ZNRF2: variants seen among roughly 807,000 people sequenced by gnomAD.
ZNRF2 encodes E3 ubiquitin-protein ligase ZNRF2.
A neutral mutation model predicts 20.4 loss-of-function variants in ZNRF2; 16 were observed. The ratio of observed to expected loss-of-function variants is 0.79; its 90% CI spans 0.53 to 1.19. The LOEUF (loss-of-function observed/expected upper bound fraction) is 1.19, where lower values mean the gene tolerates loss of function less well. Among genes scored for constraint, ZNRF2 ranks in the 50% most tolerant of loss-of-function variants. The pLI is 0.00. For missense variants in ZNRF2, 363 were observed against 332.4 expected (o/e 1.09, Z -0.72); for synonymous variants, 178 against 144.9 (o/e 1.23, Z -1.64).
chr7:30,314,116 G>A (rs1799329673), intron 1 of ZNRF2, among the ~76,000 whole-genome samples: 1 of 152,092 alleles, frequency 6.6e-6, no homozygotes, highest in Non-Finnish European at 1.5e-5. Flanking sequence ...GAGCAATCAC[G>A]TTGTACTCTG....
intron 2 of ZNRF2, among the ~76,000 whole-genome samples, chr7:30,332,256 A>G (rs1799645394): frequency 6.6e-6 from 1 of 152,192 alleles, no homozygotes; most frequent in African/African-American, 2.4e-5. Context: ...ATAGTTCTTC[A>G]CAGAAGAACT....
At chr7:30,356,215 A>T (rs544295514) in intron 3 of ZNRF2, among the ~76,000 whole-genome samples, 1 of 151,648 alleles carries the variant, frequency 6.6e-6, no homozygotes, top group African/African-American at 2.4e-5. Context: ...AATCTGCTTG[A>T]CTCCAAAACC....
intron 2 of ZNRF2, among the ~76,000 whole-genome samples, chr7:30,326,364 A>C (rs1195381779): frequency 6.6e-6 from 1 of 152,068 alleles, no homozygotes; most frequent in Non-Finnish European, 1.5e-5. Context: ...TTTAGCTCCC[A>C]CTTACAAGTG....
intron 1 of ZNRF2, among the ~76,000 whole-genome samples, chr7:30,316,123 T>C (rs539379413): frequency 1.2e-3 from 184 of 151,324 alleles, no homozygotes; most frequent in Non-Finnish European, 1.7e-3. Context: ...ACTCCATCTC[T>C]ACTAAAAATA....
intron 4 of ZNRF2, 136 bp downstream of exon 4, chr7:30,362,592 A>AG: frequency 2.2e-6 from 1 of 463,802 alleles, no homozygotes; most frequent in Non-Finnish European, 3.9e-6. Flanking sequence ...GCTACTGCAT[A>AG]GAAAACTTAC....
rs113086251 is a variant in ZNRF2 at position 30,317,722 on chromosome 7, C to T, written c.470-5920C>T. On this transcript the variant is annotated intron_variant, in intron 1 of 4. Coordinates refer to ENST00000323037, the MANE Select transcript of ZNRF2 (RefSeq NM_147128.4). Reference sequence around the variant, plus strand: ...GCTCAAAGCCTAGGAATCAGAAGAGCTGAGTTCTGGCACTTTTGATGTCTT... The same window carrying T: ...GCTCAAAGCCTAGGAATCAGAAGAGTTGAGTTCTGGCACTTTTGATGTCTT... Among the ~76,000 whole-genome samples the T allele has an allele frequency of 3.5e-3, 536 of 152,314 alleles. 2 individuals are homozygous for T. Among genetic ancestry groups the T allele is most frequent in the South Asian group, 0.01 (50 of 4,820 alleles).
chr7:30,320,441 T>C (rs969180307), intron 1 of ZNRF2, among the ~76,000 whole-genome samples: 2 of 152,214 alleles, frequency 1.3e-5, no homozygotes, highest in African/African-American at 4.8e-5. Context: ...CATATATATG[T>C]ATACAGTTTT....
chr7:30,331,248 C>A (rs1456672530), intron 2 of ZNRF2, among the ~76,000 whole-genome samples: 1 of 151,954 alleles, frequency 6.6e-6, no homozygotes, highest in Non-Finnish European at 1.5e-5. Flanking sequence ...TGAGAGTAAG[C>A]AGATATGAGA....
At chr7:30,343,828 A>G (rs1481824247) in intron 2 of ZNRF2, among the ~76,000 whole-genome samples, 4 of 118,168 alleles carry the variant, frequency 3.4e-5, no homozygotes, top group African/African-American at 1.3e-4. Context: ...GCCCATTTAT[A>G]TTTCTTAATA....
intron 1 of ZNRF2, among the ~76,000 whole-genome samples, chr7:30,318,880 G>A (rs895626622): frequency 3.3e-5 from 5 of 152,194 alleles, no homozygotes; most frequent in African/African-American, 1.2e-4. Context: ...GGGAGGCTGA[G>A]GCGGACGGAT....
intron 2 of ZNRF2, among the ~76,000 whole-genome samples, chr7:30,341,738 G>A (rs1799798400): frequency 6.6e-6 from 1 of 152,104 alleles, no homozygotes; most frequent in Non-Finnish European, 1.5e-5. Flanking sequence ...TCTTACGTCA[G>A]CTTGGTCCAG....
Position 30,284,857 on chromosome 7 carries a change from A to G in ZNRF2, c.-501A>G, listed in dbSNP as rs1380539961. The G allele has an allele frequency of 3.6e-5, 8 of 221,082 alleles. No homozygotes were observed. The highest frequency in any genetic ancestry group is 2.1e-3 in the Middle Eastern group (1 of 472). The allele number at this position is 221,082 out of a possible 1,614,324, so 13.7% of individuals were successfully genotyped here. On this transcript the variant is annotated 5_prime_UTR_variant, in exon 1 of 5. Coordinates refer to ENST00000323037, the MANE Select transcript of ZNRF2 (RefSeq NM_147128.4). Reference sequence around the variant, plus strand: ...TTAATAACAGCTGGGTGGCTGGGGGAGGAGGGAAGGTGGCCCCGGCGGAGT... The same window carrying G: ...TTAATAACAGCTGGGTGGCTGGGGGGGGAGGGAAGGTGGCCCCGGCGGAGT...
At chr7:30,315,679 C>G (rs1799358545) in intron 1 of ZNRF2, among the ~76,000 whole-genome samples, 1 of 126,262 alleles carries the variant, frequency 7.9e-6, no homozygotes, top group Non-Finnish European at 1.5e-5. Flanking sequence ...AATGTCTGAT[C>G]CCATAATTAA....
At chr7:30,308,247 A>G (rs1214820997) in intron 1 of ZNRF2, among the ~76,000 whole-genome samples, 1 of 152,158 alleles carries the variant, frequency 6.6e-6, no homozygotes, top group Non-Finnish European at 1.5e-5. Context: ...GTAGTTCATC[A>G]TTCTGTAGTT....
In ZNRF2 at chr7:30,356,235, T is replaced by C. The variant is rs74917456; in HGVS notation, c.671+402T>C. Among the ~76,000 whole-genome samples, 205 of 152,196 alleles carry C rather than the reference T, an allele frequency of 1.3e-3. 3 individuals are homozygous for C. The East Asian group carries it at 0.026, about 19-fold the overall frequency. On this transcript the variant is annotated intron_variant, in intron 3 of 4. Coordinates refer to ENST00000323037, the MANE Select transcript of ZNRF2 (RefSeq NM_147128.4). The stretch of plus-strand genomic sequence containing the variant: ...GCTTGACTCCAAAACCTGTCTGCTT[T>C]CTCATATGGTCTTCTTGCTTTTAGA...
intron 2 of ZNRF2, among the ~76,000 whole-genome samples, chr7:30,349,460 G>T (rs528413988): frequency 6.6e-6 from 1 of 152,010 alleles, no homozygotes; most frequent in South Asian, 2.1e-4. Flanking sequence ...TCTGTTCCAG[G>T]TATCTCACTA....
rs1798769173 is a variant in ZNRF2, at chr7:30,285,641, G to T, written c.284G>T (p.Arg95Leu). 2.4e-6 allele frequency: 3 copies of T among 1,255,316 alleles called. No individual in the cohort carries two copies. Among genetic ancestry groups the T allele is most frequent in the South Asian group, 2.4e-5 (1 of 42,336 alleles). The allele number at this position is 1,255,316 out of a possible 1,614,324, so 77.8% of individuals were successfully genotyped here. ...GTGGGGAGCGTGGCGTCGGGGGCCC[G>T]CGCGGCGCAGTCCCCCTTCAGCATC... ...GAVGSVASGARAAQSPFSIPN... is the reference protein window; with the variant it reads ...GAVGSVASGALAAQSPFSIPN... Residue 95 changes from arginine (R) to leucine (L), a missense_variant, in exon 1 of 5, where the codon CGC (arginine) becomes CTC (leucine). Coordinates refer to ENST00000323037, the MANE Select transcript of ZNRF2 (RefSeq NM_147128.4).
At chr7:30,339,948 G>A (rs1487961122) in intron 2 of ZNRF2, among the ~76,000 whole-genome samples, 1 of 152,058 alleles carries the variant, frequency 6.6e-6, no homozygotes, top group Non-Finnish European at 1.5e-5. Context: ...CTTGAGCAGT[G>A]TTTGTAGTTC....
intron 1 of ZNRF2, among the ~76,000 whole-genome samples, chr7:30,319,348 A>G (rs1198273264): frequency 6.6e-6 from 1 of 152,196 alleles, no homozygotes; most frequent in African/African-American, 2.4e-5. Flanking sequence ...ACTATGTTGC[A>G]GGCATTATAT....
Sources: gnomAD v4.1 joint callset for allele counts (sites outside exome capture counted in the v4.1 genomes callset) on GRCh38, gnomAD v4.1.1 for gene constraint, MANE v1.5 for transcripts, NCBI Gene and HGNC (gene_info 2026-07-23, HGNC 2026-07-21) for gene names.